CFAP299: variants seen among roughly 807,000 people sequenced by gnomAD.
CFAP299 encodes cilia- and flagella-associated protein 299.
In CFAP299, 21 loss-of-function variants were observed where a neutral mutation model predicts 27.0. The observed-to-expected ratio is 0.78, with a 90% CI of 0.55 to 1.12. The LOEUF (loss-of-function observed/expected upper bound fraction) is 1.12, where lower values mean the gene tolerates loss of function less well. CFAP299 is among the 50% of genes most tolerant of loss of function. CFAP299 has a pLI of 0.00. For missense variants in CFAP299, 310 were observed against 276.6 expected, an observed-to-expected ratio of 1.12 and a Z score of -0.86; for synonymous variants, 104 against 98.1, an observed-to-expected ratio of 1.06 and a Z score of -0.36.
At chr4:80,934,282 A>G (rs1736774152) in intron 4 of CFAP299, among the ~76,000 whole-genome samples, 1 of 152,116 alleles carries the variant, frequency 6.6e-6, no homozygotes. Flanking sequence ...CAAATAGTGT[A>G]TAATCTTTAG....
intron 2 of CFAP299, among the ~76,000 whole-genome samples, chr4:80,391,719 G>T (rs898703007): frequency 2.0e-5 from 3 of 152,134 alleles, no homozygotes; most frequent in African/African-American, 7.2e-5. Context: ...TTTAATCCTA[G>T]CACTTTGGTA....
At chr4:80,961,551 G>A (rs1474406147) in intron 5 of CFAP299, among the ~76,000 whole-genome samples, 1 of 151,588 alleles carries the variant, frequency 6.6e-6, no homozygotes, top group African/African-American at 2.4e-5. Flanking sequence ...CTTTAATTTA[G>A]GAGACATTTT....
At chr4:80,813,231 T>G (rs1031300959) in intron 3 of CFAP299, among the ~76,000 whole-genome samples, 2 of 152,048 alleles carry the variant, frequency 1.3e-5, no homozygotes, top group African/African-American at 4.8e-5. Context: ...ATAGTTTATA[T>G]TATCAAAGTT....
chr4:80,653,357 G>A (rs1740403136), intron 3 of CFAP299, among the ~76,000 whole-genome samples: 1 of 151,864 alleles, frequency 6.6e-6, no homozygotes. Context: ...CTCTGTTGTA[G>A]TTTAGGGCTT....
chr4:80,605,102 T>A (rs1313972417), intron 3 of CFAP299, among the ~76,000 whole-genome samples: 2 of 152,192 alleles, frequency 1.3e-5, no homozygotes, highest in African/African-American at 4.8e-5. Flanking sequence ...GCTACATTTT[T>A]CATGCCTGAG....
chr4:80,525,983 G>A (rs1733155143), intron 2 of CFAP299, among the ~76,000 whole-genome samples: 1 of 152,182 alleles, frequency 6.6e-6, no homozygotes, highest in Middle Eastern at 3.4e-3. Context: ...TCTTAGTGAA[G>A]GAATGTTTTA....
At chr4:80,567,588 C>CT (rs1405082962) in intron 2 of CFAP299, among the ~76,000 whole-genome samples, 1 of 151,932 alleles carries the variant, frequency 6.6e-6, no homozygotes, top group African/African-American at 2.4e-5. Context: ...TGTTCTCTCC[C>CT]TTCGTGTTTA....
chr4:80,390,780 T>C (rs1255436705), intron 2 of CFAP299, among the ~76,000 whole-genome samples: 4 of 141,454 alleles, frequency 2.8e-5, no homozygotes, highest in Admixed American at 1.4e-4. Flanking sequence ...TATATATACA[T>C]ATACACATAT....
At chr4:80,614,686 A>G (rs1385189282) in intron 3 of CFAP299, among the ~76,000 whole-genome samples, 1 of 151,982 alleles carries the variant, frequency 6.6e-6, no homozygotes, top group Non-Finnish European at 1.5e-5. Flanking sequence ...AAGTTGACAG[A>G]TTAAGTACTA....
the CFAP299 span, among the ~76,000 whole-genome samples, chr4:80,327,377 C>T: frequency 6.6e-6 from 1 of 151,780 alleles, no homozygotes; most frequent in East Asian, 1.9e-4. Context: ...AGAAAAATAG[C>T]CAGGGTGAGA....
At chr4:80,777,889 A>T (rs1029045332) in intron 3 of CFAP299, among the ~76,000 whole-genome samples, 1 of 152,116 alleles carries the variant, frequency 6.6e-6, no homozygotes, top group Non-Finnish European at 1.5e-5. Flanking sequence ...TACCATGTTG[A>T]TATGTTTTGA....
intron 3 of CFAP299, among the ~76,000 whole-genome samples, chr4:80,713,622 AC>A (rs1722301369): frequency 6.6e-6 from 1 of 152,190 alleles, no homozygotes. Context: ...TGCAACCCTT[AC>A]TACAACATTG....
At chr4:80,845,052 A>G (rs1261588397) in intron 3 of CFAP299, among the ~76,000 whole-genome samples, 1 of 152,162 alleles carries the variant, frequency 6.6e-6, no homozygotes, top group Non-Finnish European at 1.5e-5. Context: ...TTTGTCAAAG[A>G]TCAGATAGTT....
intron 2 of CFAP299, among the ~76,000 whole-genome samples, chr4:80,371,239 A>C (rs1724134553): frequency 1.3e-5 from 2 of 152,232 alleles, no homozygotes; most frequent in Admixed American, 6.5e-5. Flanking sequence ...TGCACAGGAT[A>C]GCGGGGCACT....
intron 3 of CFAP299, among the ~76,000 whole-genome samples, chr4:80,609,799 A>C (rs554883531): frequency 1.3e-5 from 2 of 152,118 alleles, no homozygotes; most frequent in African/African-American, 4.8e-5. Flanking sequence ...GCTATATTCT[A>C]TAAGTTTTTG....
At chr4:80,600,974 G>A (rs58160906) in intron 3 of CFAP299, among the ~76,000 whole-genome samples, 11,813 of 152,154 alleles carry the variant, frequency 0.078, 694 homozygotes, top group East Asian at 0.26. Flanking sequence ...ATGAGATGGA[G>A]TAAGTGATGT....
At chr4:80,832,739 C>CTAT (rs535860356) in intron 3 of CFAP299, among the ~76,000 whole-genome samples, 77 of 152,096 alleles carry the variant, frequency 5.1e-4, no homozygotes, top group African/African-American at 1.8e-3. Flanking sequence ...AATGGGTTTT[C>CTAT]TATTACATAC....
At chr4:80,555,201 T>C (rs1734726314) in intron 2 of CFAP299, among the ~76,000 whole-genome samples, 1 of 151,890 alleles carries the variant, frequency 6.6e-6, no homozygotes, top group South Asian at 2.1e-4. Context: ...TGAGAGTTAA[T>C]GTGAAGGGGT....
At chr4:80,608,615 T>A (rs550510221) in intron 3 of CFAP299, among the ~76,000 whole-genome samples, 1 of 152,180 alleles carries the variant, frequency 6.6e-6, no homozygotes, top group Non-Finnish European at 1.5e-5. Flanking sequence ...ATTGTAGATT[T>A]AATGAAGGAA....
Sources: gnomAD v4.1 joint callset for allele counts (sites outside exome capture counted in the v4.1 genomes callset) on GRCh38, gnomAD v4.1.1 for gene constraint, MANE v1.5 for transcripts, NCBI Gene and HGNC (gene_info 2026-07-23, HGNC 2026-07-21) for gene names.